The following BBOF1 variants were observed in gnomAD, a reference collection of about 807,000 sequenced individuals.
BBOF1 encodes the protein basal body orientation factor 1.
A neutral mutation model predicts 68.0 loss-of-function variants in BBOF1; 62 were observed. The observed-to-expected ratio is 0.91, with a 90% CI of 0.74 to 1.13. BBOF1 has a LOEUF of 1.13. Among genes scored for constraint, BBOF1 ranks in the 50% most tolerant of loss-of-function variants. The pLI is 0.00. For synonymous variants in BBOF1, 208 were observed against 198.8 expected, an observed-to-expected ratio of 1.05 and a Z score of -0.39; for missense variants, 534 against 600.1, an observed-to-expected ratio of 0.89 and a Z score of 1.15.
At chr14:74,024,640 AT>A (rs2059384355) in intron 2 of BBOF1, among the ~76,000 whole-genome samples, 1 of 151,766 alleles carries the variant, frequency 6.6e-6, no homozygotes, top group Admixed American at 6.6e-5. Context: ...AATTTTTTGT[AT>A]TTTTGGTAGA....
chr14:74,033,430 G>A (rs373131155), intron 3 of BBOF1, among the ~76,000 whole-genome samples: 15 of 152,126 alleles, frequency 9.9e-5, no homozygotes, highest in Admixed American at 7.2e-4. Context: ...TTAGCTGGGC[G>A]TGGTGGCAGG....
intron 8 of BBOF1, among the ~76,000 whole-genome samples, chr14:74,051,530 G>A (rs1408754478): frequency 2.6e-5 from 4 of 151,692 alleles, no homozygotes; most frequent in Non-Finnish European, 4.4e-5. Context: ...TTAACCAAAA[G>A]TCCCCCAAAA....
Position 74,032,942 on chromosome 14 carries a change from C to T in BBOF1, c.352-1086C>T, listed in dbSNP as rs117194528. On this transcript the variant is annotated intron_variant, in intron 3 of 11. Coordinates refer to ENST00000394009, the MANE Select transcript of BBOF1 (RefSeq NM_025057.3). Reference sequence around the variant, plus strand: ...TTTCTCTGTCCTCTTGCTTTCACTTCCCTCTCCTCCTCCTCTTTCTCCTTC... The same window carrying T: ...TTTCTCTGTCCTCTTGCTTTCACTTTCCTCTCCTCCTCCTCTTTCTCCTTC... Among the ~76,000 whole-genome samples the T allele has an allele frequency of 2.0e-5, 3 of 151,904 alleles. No individual in the cohort carries two copies. In the East Asian group the frequency reaches 5.8e-4, roughly 29 times the overall value.
intron 8 of BBOF1, among the ~76,000 whole-genome samples, chr14:74,054,362 G>A (rs1229654384): frequency 2.0e-5 from 3 of 149,416 alleles, no homozygotes; most frequent in African/African-American, 7.4e-5. Context: ...AATAAATAAT[G>A]TTACATTACA....
rs377090766 is a variant in BBOF1, at chr14:74,055,662, A to G, written c.1365A>G (p.Ala455=). 3.7e-6 allele frequency: 6 copies of G among 1,613,562 alleles called. No homozygotes were observed. The highest frequency in any genetic ancestry group is 5.1e-6 in the Non-Finnish European group (6 of 1,179,656). Residue 455 remains alanine (A), a synonymous_variant, in exon 9 of 12, where the codon GCA becomes GCG. Coordinates refer to ENST00000394009, the MANE Select transcript of BBOF1 (RefSeq NM_025057.3). ...AAAAAGTATTGCGATTGCTCTTTGCAAAAATGAATGGCTGTCCTTCTAGGT... is the reference window on the plus strand; with the variant it reads ...AAAAAGTATTGCGATTGCTCTTTGCGAAAATGAATGGCTGTCCTTCTAGGT... ...QKEKVLRLLF[A]KMNGCPSRKY... is the part of the protein sequence containing the mutation.
Position 74,055,702 on chromosome 14 carries a change from G to T in BBOF1, c.1388+17G>T. Reference sequence around the variant, plus strand: ...TCCTTCTAGGTAACTCCCTATTTCTGCAGTGAAATACCAAGTTGTTATCAA... The same window carrying T: ...TCCTTCTAGGTAACTCCCTATTTCTTCAGTGAAATACCAAGTTGTTATCAA... On this transcript the variant is annotated intron_variant, in intron 9 of 11. Transcript: ENST00000394009. 2 of 1,546,384 alleles carry T rather than the reference G, an allele frequency of 1.3e-6. No homozygotes were observed. The highest frequency in any genetic ancestry group is 1.8e-6 in the Non-Finnish European group (2 of 1,120,524).
At chr14:74,026,429 A>G (rs2059427690) in intron 2 of BBOF1, among the ~76,000 whole-genome samples, 1 of 119,870 alleles carries the variant, frequency 8.3e-6, no homozygotes, top group African/African-American at 3.4e-5. Context: ...GGGCAACAAG[A>G]GTGAAACTCC....
intron 8 of BBOF1, 174 bp from the exon 9 acceptor site, chr14:74,055,410 A>G (rs566828691): frequency 5.7e-6 from 3 of 522,144 alleles, no homozygotes; most frequent in Non-Finnish European, 1.0e-5. Context: ...CGGCCTCCCA[A>G]AGTGCTGGGA....
downstream of BBOF1, among the ~76,000 whole-genome samples, chr14:74,068,408 AC>A (rs2060502549): frequency 6.6e-6 from 1 of 151,062 alleles, no homozygotes; most frequent in Non-Finnish European, 1.5e-5. Flanking sequence ...GATTAACGTG[AC>A]TTAGAATGAA....
In BBOF1 at chr14:74,049,993, T is replaced by C; in HGVS notation, c.1084T>C (p.Phe362Leu). ...GGATGAGAGAACAGAAGTGGAAAGA[T>C]TCTTTTTAGATGCTCTGCACCAAGT... is the stretch of plus-strand genomic sequence containing the variant. ...ILDERTEVER[F>L]FLDALHQVKQ... Residue 362 changes from phenylalanine to leucine, a missense_variant, in exon 8 of 12, where the codon TTC becomes CTC. Transcript: ENST00000394009. 2 of 1,614,102 alleles carry C rather than the reference T, an allele frequency of 1.2e-6. No homozygotes were observed. Among genetic ancestry groups the C allele is most frequent in the East Asian group, 2.2e-5 (1 of 44,888 alleles).
In BBOF1 at chr14:74,048,063, T is replaced by C. The variant is rs2139599430; in HGVS notation, c.781T>C (p.Leu261=). Residue 261 remains leucine, a synonymous_variant, in exon 7 of 12, where the codon TTA becomes CTA. Coordinates refer to ENST00000394009, the MANE Select transcript of BBOF1 (RefSeq NM_025057.3). Reference sequence around the variant, plus strand: ...GTTGCAAGAGAGTCATACTTTACTTTTACATCAAAAGGTTCCCTCTCATTT... The same window carrying C: ...GTTGCAAGAGAGTCATACTTTACTTCTACATCAAAAGGTTCCCTCTCATTT... ...QKLQESHTLL[L]HQKEINDLLV... 1.9e-6 allele frequency: 3 copies of C among 1,609,718 alleles called. No individual in the cohort carries two copies. Among genetic ancestry groups the C allele is most frequent in the Non-Finnish European group, 2.5e-6 (3 of 1,178,850 alleles).
At chr14:74,019,793 T>A (rs2059216494) in intron 1 of BBOF1, among the ~76,000 whole-genome samples, 1 of 152,260 alleles carries the variant, frequency 6.6e-6, no homozygotes, top group Admixed American at 6.5e-5. Context: ...AGGGGACACC[T>A]AAAGTATTTT....
chr14:74,030,931 T>TAGAGAG (rs201898207), intron 3 of BBOF1, among the ~76,000 whole-genome samples: 1 of 143,262 alleles, frequency 7.0e-6, no homozygotes, highest in Non-Finnish European at 1.5e-5. Context: ...CATATATATA[T>TAGAGAG]ATATATATAG....
At chr14:74,047,895 T>A in intron 6 of BBOF1, 35 bp from the exon 7 acceptor site, 1 of 1,558,608 alleles carries the variant, frequency 6.4e-7, no homozygotes, top group Middle Eastern at 1.7e-4. Flanking sequence ...ATCTAAAAGT[T>A]AGACCTGTGT....
rs780515040 is a variant in BBOF1, at chr14:74,032,118, ATTTTTTTTT to A, written c.352-1893_352-1885del. Reference sequence around the variant, plus strand: ...CCAACAGAGTCTATTCTCAAAGTTGATTTTTTTTTTTTTTTTTTTTTTTTTGAGACAGAG... The same window carrying A: ...CCAACAGAGTCTATTCTCAAAGTTGATTTTTTTTTTTTTTTTGAGACAGAG... On this transcript the variant is annotated intron_variant, in intron 3 of 11. Coordinates refer to ENST00000394009, the MANE Select transcript of BBOF1 (RefSeq NM_025057.3). 4.0e-5 allele frequency among the ~76,000 whole-genome samples: 4 copies of A among 99,666 alleles called. No homozygotes were observed. In the Middle Eastern group the frequency reaches 0.021, roughly 526 times the overall value. The allele number at this position is 99,666 out of a possible 152,430, so 65.4% of individuals were successfully genotyped here.
rs964619492 is a variant in BBOF1 at position 74,019,366 on chromosome 14, A to C, written c.-113A>C. The C allele has an allele frequency of 5.9e-6, 8 of 1,348,916 alleles. No individual in the cohort carries two copies. In the African/African-American group the frequency reaches 9.4e-5, roughly 16 times the overall value. 83.6% of individuals were successfully genotyped at this position (1,348,916 alleles called of 1,614,324 possible). A position where few individuals can be genotyped will look rare whatever the true frequency, so the allele number is the denominator to read the frequency against. ...GCGCGTGCGCTCTCCGCGCGCCGTC[A>C]GCGGCGCGGGTGGGGCATTGCCAGC... is the stretch of plus-strand genomic sequence containing the variant. On this transcript the variant is annotated 5_prime_UTR_variant, in exon 1 of 12. Transcript: ENST00000394009.
At chr14:74,075,057 A>C (rs1056843297) in intron 9 of BBOF1, 1 of 1,596,678 alleles carries the variant, frequency 6.3e-7, no homozygotes. Context: ...AAATGAGAGC[A>C]GAAAGTTATT....
At chr14:74,051,198 C>A (rs1417003730) in intron 8 of BBOF1, among the ~76,000 whole-genome samples, 1 of 151,038 alleles carries the variant, frequency 6.6e-6, no homozygotes, top group African/African-American at 2.5e-5. Context: ...GAGCCAAGAT[C>A]ACGCCATTGC....
At chr14:74,029,035 G>C (rs1171544709) in intron 2 of BBOF1, 149 bp from the exon 3 acceptor site, 1 of 545,970 alleles carries the variant, frequency 1.8e-6, no homozygotes, top group African/African-American at 1.9e-5. Context: ...TTGAAGGTAT[G>C]GGAAATTTCC....
Sources: gnomAD v4.1 joint callset for allele counts (sites outside exome capture counted in the v4.1 genomes callset) on GRCh38, gnomAD v4.1.1 for gene constraint, MANE v1.5 for transcripts, NCBI Gene and HGNC (gene_info 2026-07-23, HGNC 2026-07-21) for gene names.